The following SH3BP4 variants were observed in gnomAD, a reference collection of about 807,000 sequenced individuals.
SH3BP4 encodes SH3 domain-binding protein 4.
In SH3BP4, 33 loss-of-function variants were observed where a neutral mutation model predicts 65.5. The observed-to-expected ratio is 0.50, with a 90% CI of 0.38 to 0.67. The LOEUF is 0.67. Ranked by LOEUF, SH3BP4 falls within the 30% of genes least tolerant of loss-of-function variation. The probability of loss-of-function intolerance (pLI) is 0.00; values close to 1 mark genes in which losing one functional copy is unlikely to be tolerated. For missense variants in SH3BP4, 1,134 were observed against 1,261.4 expected, an observed-to-expected ratio of 0.90 and a Z score of 1.53; for synonymous variants, 552 against 545.5, an observed-to-expected ratio of 1.01 and a Z score of -0.17.
At chr2:234,985,838 G>T (rs1480784590) in intron 1 of SH3BP4, among the ~76,000 whole-genome samples, 1 of 152,156 alleles carries the variant, frequency 6.6e-6, no homozygotes, top group African/African-American at 2.4e-5. Flanking sequence ...GCATGATGCA[G>T]GTGAACCAGC....
intron 2 of SH3BP4, among the ~76,000 whole-genome samples, chr2:235,001,908 T>C (rs1481059527): frequency 6.6e-6 from 1 of 152,242 alleles, no homozygotes; most frequent in Non-Finnish European, 1.5e-5. Context: ...TTGTCCAGGC[T>C]GGAGTGCGGT....
In SH3BP4 at chr2:234,991,575, G is replaced by A. The variant is rs28588243; in HGVS notation, c.-206-3728G>A. On this transcript the variant is annotated intron_variant, in intron 1 of 5. Transcript: ENST00000392011. The surrounding 1 kb of genome is among the most constrained non-coding windows in gnomAD (Gnocchi z 4.2). ...CTTTCTGCTAATTCCATCCACCCAC[G>A]CTAAACCGTGTGGTTTTCTTGGGGC... 0.087 allele frequency among the ~76,000 whole-genome samples: 13,310 copies of A among 152,188 alleles called. 1,701 individuals are homozygous for A. Among genetic ancestry groups the A allele is most frequent in the African/African-American group, 0.28 (11,692 of 41,468 alleles).
chr2:235,038,312 T>G (rs866379623), intron 3 of SH3BP4, among the ~76,000 whole-genome samples: 285 of 10,234 alleles, frequency 0.028, 16 homozygotes, highest in African/African-American at 0.1. Context: ...TATATATATA[T>G]TATATATTAT....
intron 2 of SH3BP4, among the ~76,000 whole-genome samples, chr2:235,016,217 C>T (rs1410017363): frequency 2.0e-5 from 3 of 151,860 alleles, no homozygotes; most frequent in Admixed American, 6.6e-5. Context: ...CTGTGATGGA[C>T]GTAACCACAT....
rs1045482913 is a variant in SH3BP4, at chr2:235,027,970, G to A, written c.-132-6901G>A. ...GTCTATGCGTGGCGTGACAGCAGCC[G>A]TAGCGGAGGGGGTGTGTGCGGCTTC... On this transcript the variant is annotated intron_variant, in intron 2 of 5. Transcript: ENST00000392011. Among the ~76,000 whole-genome samples, 6 of 152,208 alleles carry A rather than the reference G, an allele frequency of 3.9e-5. No homozygotes were observed. The South Asian group carries it at 8.3e-4, about 21-fold the overall frequency.
intron 2 of SH3BP4, among the ~76,000 whole-genome samples, chr2:235,005,401 C>T (rs2106288120): frequency 6.6e-6 from 1 of 152,180 alleles, no homozygotes; most frequent in African/African-American, 2.4e-5. Context: ...CCTGTCTCCC[C>T]CAGGTTCCAG....
At chr2:235,037,049 A>C (rs147828325) in intron 3 of SH3BP4, among the ~76,000 whole-genome samples, 1 of 152,312 alleles carries the variant, frequency 6.6e-6, no homozygotes, top group East Asian at 1.9e-4. Flanking sequence ...TATTTCAGCC[A>C]AAGTATCTGC....
chr2:235,032,327 C>T (rs563778636), intron 2 of SH3BP4, among the ~76,000 whole-genome samples: 2 of 152,344 alleles, frequency 1.3e-5, no homozygotes, highest in Non-Finnish European at 2.9e-5. Context: ...CACCGTCACA[C>T]GTGAAAGGCC....
chr2:235,021,740 A>G (rs1298689995), intron 2 of SH3BP4, among the ~76,000 whole-genome samples: 3 of 152,204 alleles, frequency 2.0e-5, no homozygotes, highest in Non-Finnish European at 2.9e-5. Context: ...GTAGTCCAAC[A>G]CAGCAGAACT....
In SH3BP4 at chr2:234,971,579, A is replaced by G. The variant is rs182852230; in HGVS notation, c.-207+19409A>G. ...GAGGCACTTCCATATTGTTTTCCTT[A>G]GCAGTCACTCCATTTGGCATTTCCG... On this transcript the variant is annotated intron_variant, in intron 1 of 5. Transcript: ENST00000392011. 1.5e-3 allele frequency among the ~76,000 whole-genome samples: 221 copies of G among 152,256 alleles called. 1 individual carries two copies. Among genetic ancestry groups the G allele is most frequent in the African/African-American group, 5.1e-3 (212 of 41,538 alleles).
intron 1 of SH3BP4, among the ~76,000 whole-genome samples, chr2:234,972,910 A>C (rs982125704): frequency 1.3e-5 from 2 of 152,012 alleles, no homozygotes; most frequent in African/African-American, 4.8e-5. Flanking sequence ...GATTGTTGAG[A>C]GTGAATGTAG....
intron 1 of SH3BP4, among the ~76,000 whole-genome samples, chr2:234,972,799 G>C (rs1334363771): frequency 6.6e-6 from 1 of 152,192 alleles, no homozygotes; most frequent in Non-Finnish European, 1.5e-5. Context: ...TGCTTGGGGA[G>C]CTTATTTCTG....
At chr2:234,969,619 C>T (rs13402641) in intron 1 of SH3BP4, among the ~76,000 whole-genome samples, 6,112 of 152,308 alleles carry the variant, frequency 0.04, 425 homozygotes, top group African/African-American at 0.14. Flanking sequence ...CGTGGTTGTA[C>T]AGAATAAGCC....
At chr2:235,005,855 C>T (rs896087598) in intron 2 of SH3BP4, among the ~76,000 whole-genome samples, 21 of 152,232 alleles carry the variant, frequency 1.4e-4, no homozygotes, top group Non-Finnish European at 1.9e-4. Flanking sequence ...CAGCCCTGGC[C>T]GTCCCAGGGT....
In SH3BP4 at chr2:234,997,509, A is replaced by G. The variant is rs1484922120; in HGVS notation, c.-133+2133A>G. Among the ~76,000 whole-genome samples, 1 of 152,174 alleles carries G rather than the reference A, an allele frequency of 6.6e-6. No homozygotes were observed. Among genetic ancestry groups the G allele is most frequent in the Non-Finnish European group, 1.5e-5 (1 of 68,026 alleles). On this transcript the variant is annotated intron_variant, in intron 2 of 5. Coordinates refer to ENST00000392011, the MANE Select transcript of SH3BP4 (RefSeq NM_014521.3). The surrounding 1 kb of genome is among the most constrained non-coding windows in gnomAD (Gnocchi z 4.2). ...AGGCAGCAGAAATGCTCCCTGACTC[A>G]GTTCCTGAGACCAGAATGACTGAGG... is the stretch of plus-strand genomic sequence containing the variant.
intron 4 of SH3BP4, among the ~76,000 whole-genome samples, chr2:235,049,824 T>C (rs1695987789): frequency 6.6e-6 from 1 of 152,154 alleles, no homozygotes; most frequent in African/African-American, 2.4e-5. Flanking sequence ...GAAGTTTGCA[T>C]ATTTGCCTCC....
intron 1 of SH3BP4, chr2:234,979,799 A>G (rs377112497): frequency 3.4e-5 from 5 of 146,118 alleles, no homozygotes; most frequent in African/African-American, 1.3e-4. Context: ...TGGATGCTAC[A>G]ACAAGCAGAT....
At chr2:235,018,721 TTTA>T (rs1464285251) in intron 2 of SH3BP4, among the ~76,000 whole-genome samples, 2 of 152,194 alleles carry the variant, frequency 1.3e-5, no homozygotes, top group African/African-American at 4.8e-5. Flanking sequence ...CAGTTACTTT[TTTA>T]AACCCATTTT....
At chr2:234,989,871 A>C (rs1320728316) in intron 1 of SH3BP4, among the ~76,000 whole-genome samples, 1 of 152,182 alleles carries the variant, frequency 6.6e-6, no homozygotes, top group East Asian at 1.9e-4. Context: ...TTGGACAAGA[A>C]TTTTCAGGGT....
Sources: allele counts gnomAD v4.1 joint callset (sites outside exome capture counted in the v4.1 genomes callset), GRCh38; gene constraint gnomAD v4.1.1; non-coding constraint Gnocchi (gnomAD v3.1); transcripts MANE v1.5; gene names NCBI Gene and HGNC (gene_info 2026-07-23, HGNC 2026-07-21).